WASHC3: variants seen among roughly 807,000 people sequenced by gnomAD.
The protein encoded by WASHC3 is WASH complex subunit 3, also known as WASH complex subunit CCDC53.
Under a neutral mutation model 26.1 loss-of-function variants are expected in WASHC3, and 24 were observed. That is an observed-to-expected ratio of 0.92 (90% CI 0.66 to 1.29). The LOEUF (loss-of-function observed/expected upper bound fraction) is 1.29, where lower values mean the gene tolerates loss of function less well. WASHC3 is among the 50% of genes most tolerant of loss of function. The pLI is 0.00. For missense variants in WASHC3, 214 were observed against 229.6 expected (o/e 0.93, Z 0.44); for synonymous variants, 77 against 75.7 (o/e 1.02, Z -0.09).
At chr12:102,036,861 A>G (rs753900987) in intron 5 of WASHC3, among the ~76,000 whole-genome samples, 23 of 152,210 alleles carry the variant, frequency 1.5e-4, no homozygotes, top group Non-Finnish European at 2.9e-4. Context: ...AATCATACTC[A>G]GTGACATCAA....
intron 2 of WASHC3, chr12:102,050,702 C>T (rs1878363558): frequency 2.5e-6 from 1 of 407,842 alleles, no homozygotes. Context: ...CAAAGTAACA[C>T]ATTTGGCACT....
upstream of WASHC3, chr12:102,061,999 A>G: frequency 6.4e-7 from 1 of 1,562,078 alleles, no homozygotes; most frequent in Non-Finnish European, 8.7e-7. Context: ...TTCACCCACA[A>G]ACCCCTCCCA....
At chr12:102,039,029 G>A (rs374659940) in intron 5 of WASHC3, among the ~76,000 whole-genome samples, 11 of 151,644 alleles carry the variant, frequency 7.3e-5, no homozygotes, top group Non-Finnish European at 2.9e-5. Context: ...TCAGTGAGGT[G>A]AGCCACTGCA....
chr12:102,058,904 T>C (rs1878695661), intron 2 of WASHC3, among the ~76,000 whole-genome samples: 1 of 152,150 alleles, frequency 6.6e-6, no homozygotes, highest in East Asian at 1.9e-4. Flanking sequence ...TGTGACAACA[T>C]AAATGAACTG....
At chr12:102,017,787 TTTTC>T (rs1594346361) in intron 6 of WASHC3, 1 of 438,026 alleles carries the variant, frequency 2.3e-6, no homozygotes, top group East Asian at 7.2e-5. Context: ...GTCTTCATTT[TTTTC>T]TTTTTTTAAT....
At chr12:102,042,117 G>C (rs1184570275) in intron 4 of WASHC3, among the ~76,000 whole-genome samples, 1 of 152,088 alleles carries the variant, frequency 6.6e-6, no homozygotes, top group African/African-American at 2.4e-5. Flanking sequence ...CTACTAGGTA[G>C]TGTGGAAATA....
intron 2 of WASHC3, among the ~76,000 whole-genome samples, chr12:102,060,429 A>G (rs1049813752): frequency 6.6e-6 from 1 of 152,184 alleles, no homozygotes; most frequent in Non-Finnish European, 1.5e-5. Flanking sequence ...ACAGGTGCGC[A>G]CTGCTGTGCC....
intron 4 of WASHC3, 42 bp downstream of exon 4, chr12:102,044,062 GT>G: frequency 9.6e-7 from 1 of 1,039,332 alleles, no homozygotes; most frequent in Non-Finnish European, 1.4e-6. Context: ...AACACTATCA[GT>G]TTCAACCAAG....
intron 3 of WASHC3, among the ~76,000 whole-genome samples, chr12:102,044,695 T>C (rs1484382522): frequency 1.1e-4 from 17 of 152,260 alleles, no homozygotes; most frequent in Non-Finnish European, 8.8e-5. Context: ...CTCTTGTCTT[T>C]ACACTTTAAT....
chr12:102,017,233 T>C (rs1003903608), intron 6 of WASHC3, among the ~76,000 whole-genome samples: 5 of 152,094 alleles, frequency 3.3e-5, no homozygotes, highest in Non-Finnish European at 7.3e-5. Flanking sequence ...CCTAAGTGTG[T>C]AGTACGCTAT....
At chr12:102,025,833 A>G in intron 6 of WASHC3, 141 bp downstream of exon 6, 1 of 622,744 alleles carries the variant, frequency 1.6e-6, no homozygotes, top group Non-Finnish European at 2.8e-6. Context: ...GTAACATAAC[A>G]GACACACTAT....
At chr12:102,043,790 A>C (rs1334566745) in intron 4 of WASHC3, 1 of 155,750 alleles carries the variant, frequency 6.4e-6, no homozygotes, top group African/African-American at 2.4e-5. Context: ...TTTTACAATA[A>C]AATATTTTAA....
chr12:102,042,719 T>A (rs1050454926), intron 4 of WASHC3, among the ~76,000 whole-genome samples: 3 of 152,220 alleles, frequency 2.0e-5, no homozygotes, highest in Non-Finnish European at 4.4e-5. Context: ...GCTGTTATCA[T>A]CACTGTCAAC....
intron 5 of WASHC3, among the ~76,000 whole-genome samples, chr12:102,034,640 G>T (rs887299056): frequency 1.3e-5 from 2 of 152,010 alleles, no homozygotes; most frequent in African/African-American, 4.8e-5. Flanking sequence ...GAAATCAAAA[G>T]ATTAAAACAT....
chr12:102,044,019 A>T, intron 4 of WASHC3, 86 bp downstream of exon 4: 1 of 562,298 alleles, frequency 1.8e-6, no homozygotes, highest in South Asian at 2.9e-5. Flanking sequence ...GAAGTTTTAC[A>T]TGTTTATTTT....
chr12:102,022,309 G>A (rs1431526201), intron 6 of WASHC3, among the ~76,000 whole-genome samples: 2 of 152,160 alleles, frequency 1.3e-5, no homozygotes, highest in Non-Finnish European at 2.9e-5. Context: ...TGATCCAAAA[G>A]CCTGATAAAT....
At chr12:102,021,511 C>G (rs1356307283) in intron 6 of WASHC3, among the ~76,000 whole-genome samples, 1 of 152,180 alleles carries the variant, frequency 6.6e-6, no homozygotes, top group Non-Finnish European at 1.5e-5. Flanking sequence ...TTCTTATGAT[C>G]AAGTTCTCTA....
intron 3 of WASHC3, among the ~76,000 whole-genome samples, chr12:102,045,845 C>A (rs73183993): frequency 6.6e-6 from 1 of 152,184 alleles, no homozygotes; most frequent in Non-Finnish European, 1.5e-5. Flanking sequence ...TGAAAGAAAT[C>A]GCAAACCATG....
chr12:102,021,655 C>T (rs147974817), intron 6 of WASHC3, among the ~76,000 whole-genome samples: 23 of 152,218 alleles, frequency 1.5e-4, no homozygotes, highest in African/African-American at 4.8e-4. Flanking sequence ...ACTAACAAAA[C>T]GGAAACAGTA....
Sources: allele counts gnomAD v4.1 joint callset (sites outside exome capture counted in the v4.1 genomes callset), GRCh38; gene constraint gnomAD v4.1.1; transcripts MANE v1.5; gene names NCBI Gene and HGNC (gene_info 2026-07-23, HGNC 2026-07-21).